CYP8B1: variants seen among roughly 807,000 people sequenced by gnomAD.
CYP8B1 encodes 7-alpha-hydroxycholest-4-en-3-one 12-alpha-hydroxylase.
For missense variants in CYP8B1, 594 were observed against 643.7 expected (o/e 0.92, Z 0.84); for synonymous variants, 221 against 251.2 (o/e 0.88, Z 1.14).
In CYP8B1 at chr3:42,874,286, A is replaced by G; in HGVS notation, c.*25T>C. The G allele has an allele frequency of 6.2e-7, 1 of 1,606,276 alleles. No individual in the cohort carries two copies. Among genetic ancestry groups the G allele is most frequent in the Non-Finnish European group, 8.5e-7 (1 of 1,175,690 alleles). On this transcript the variant is annotated 3_prime_UTR_variant, in exon 1 of 1. Coordinates refer to ENST00000316161, the MANE Select transcript of CYP8B1 (RefSeq NM_004391.3). ...GAGATGCAATAGAACTCCTCTGGCC[A>G]GGTTTGCAGCTGGCTTGGCCAAGCT...
Position 42,874,401 on chromosome 3 carries a change from T to C in CYP8B1, c.1416A>G (p.Leu472=). The C allele has an allele frequency of 1.2e-6, 2 of 1,614,054 alleles. No individual in the cohort carries two copies. The highest frequency in any genetic ancestry group is 2.7e-5 in the African/African-American group (2 of 75,002). Residue 472 remains leucine, a synonymous_variant, in exon 1 of 1, where the codon CTA becomes CTG. Transcript: ENST00000316161. The part of the protein sequence containing the change: ...DLELVDPDTP[L]PHVDPQRWGF... ...CCCAGCGCTGCGGGTCAACATGGGG[T>C]AGTGGTGTGTCAGGGTCCACCAACT...
rs766525411 is a variant in CYP8B1, at chr3:42,875,584, G to C, written c.233C>G (p.Thr78Ser). 1 of 1,509,680 alleles carries C rather than the reference G, an allele frequency of 6.6e-7. No individual in the cohort carries two copies. The highest frequency in any genetic ancestry group is 2.3e-5 in the East Asian group (1 of 43,384). The allele number at this position is 1,509,680 out of a possible 1,614,324, so 93.5% of individuals were successfully genotyped here. The change falls in exon 1 of 1, where the codon ACC becomes AGC. Residue 78 changes from threonine to serine, a missense_variant. Physicochemically the swap from Thr to Ser is moderately conservative, Grantham distance 58. Coordinates refer to ENST00000316161, the MANE Select transcript of CYP8B1 (RefSeq NM_004391.3). The part of the protein sequence containing the change: ...FTVQLGGQYF[T>S]FVMDPLSFGS... ...AAAGGAGAGGGGGTCCATGACGAAGGTGAAGTACTGGCCCCCTAGCTGCAC... is the reference window on the plus strand; with the variant it reads ...AAAGGAGAGGGGGTCCATGACGAAGCTGAAGTACTGGCCCCCTAGCTGCAC...
chr3:42,875,129 C>CCACTT lies in CYP8B1; in HGVS notation c.683_687dup (p.Gly230LysfsTer15). The CCACTT allele has an allele frequency of 4.3e-6, 7 of 1,612,932 alleles. No homozygotes were observed. The highest frequency in any genetic ancestry group is 5.9e-6 in the Non-Finnish European group (7 of 1,179,648). ...TTGTGAAAGAGACGCTGGAGTCGGC[C>CCACTT]CACTTCTAGCCACTCCCGGGGCCAC... On this transcript the variant is annotated frameshift_variant, in exon 1 of 1. Transcript: ENST00000316161. LOFTEE classifies it low-confidence loss of function (END_TRUNC).
Position 42,874,387 on chromosome 3 carries a change from G to A in CYP8B1, c.1430C>T (p.Pro477Leu), listed in dbSNP as rs776931947. Residue 477 changes from proline (P) to leucine (L), a missense_variant, in exon 1 of 1, where the codon CCG becomes CTG. By Grantham distance (98) the Pro-to-Leu change is moderately conservative. Transcript: ENST00000316161. ...CATGGTGCCAAAACCCCAGCGCTGCGGGTCAACATGGGGTAGTGGTGTGTC... is the reference window on the plus strand; with the variant it reads ...CATGGTGCCAAAACCCCAGCGCTGCAGGTCAACATGGGGTAGTGGTGTGTC... ...DPDTPLPHVD[P>L]QRWGFGTMQP... 86 of 1,614,094 alleles carry A rather than the reference G, an allele frequency of 5.3e-5. No homozygotes were observed. The highest frequency in any genetic ancestry group is 1.6e-4 in the Middle Eastern group (1 of 6,062).
chr3:42,875,406 C>T lies in CYP8B1; in HGVS notation c.411G>A (p.Lys137=), dbSNP rs776020739. The change falls in exon 1 of 1, where the codon AAG becomes AAA. Residue 137 remains lysine (K), a synonymous_variant. Coordinates refer to ENST00000316161, the MANE Select transcript of CYP8B1 (RefSeq NM_004391.3). ...TGTCCAGCATGGTCTCATTAAGATC[C>T]TTCAAGCCATCCCCCCTCAGATGCT... ...STKHLRGDGL[K]DLNETMLDSL... is the part of the protein sequence containing the mutation. 1 of 1,613,990 alleles carries T rather than the reference C, an allele frequency of 6.2e-7. No individual in the cohort carries two copies.
Position 42,874,562 on chromosome 3 carries a change from A to G in CYP8B1, c.1255T>C (p.Phe419Leu), listed in dbSNP as rs762454550. 1.9e-6 allele frequency: 3 copies of G among 1,614,136 alleles called. No homozygotes were observed. The highest frequency in any genetic ancestry group is 2.2e-5 in the East Asian group (1 of 44,872). Reference sequence around the variant, plus strand: ...TGGATCTTCTTGCCTGTCTTGAAGAAGTCCACTTTCCGGCTGCCATTAGGG... The same window carrying G: ...TGGATCTTCTTGCCTGTCTTGAAGAGGTCCACTTTCCGGCTGCCATTAGGG... ...LNPNGSRKVDFFKTGKKIHHY... is the reference protein window; with the variant it reads ...LNPNGSRKVDLFKTGKKIHHY... Residue 419 changes from phenylalanine to leucine, a missense_variant, in exon 1 of 1, where the codon TTC becomes CTC. Coordinates refer to ENST00000316161, the MANE Select transcript of CYP8B1 (RefSeq NM_004391.3).
Position 42,875,250 on chromosome 3 carries a change from C to G in CYP8B1, c.567G>C (p.Thr189=). Residue 189 remains threonine, a synonymous_variant, in exon 1 of 1, where the codon ACG becomes ACC. Transcript: ENST00000316161. ...TAGYLSLFGY[T]KDKEQDLLQA... is the part of the protein sequence containing the mutation. ...GTAGCAGGTCCTGCTCCTTGTCCTT[C>G]GTGTAGCCGAACAAGCTCAGGTAGC... 6.3e-7 allele frequency: 1 copy of G among 1,593,494 alleles called. No individual in the cohort carries two copies. Among genetic ancestry groups the G allele is most frequent in the Non-Finnish European group, 8.6e-7 (1 of 1,167,942 alleles).
chr3:42,875,156 G>A lies in CYP8B1; in HGVS notation c.661C>T (p.Leu221=). 2 of 1,610,952 alleles carry A rather than the reference G, an allele frequency of 1.2e-6. No individual in the cohort carries two copies. The highest frequency in any genetic ancestry group is 1.7e-6 in the Non-Finnish European group (2 of 1,178,374). Residue 221 remains leucine (L), a synonymous_variant, in exon 1 of 1, where the codon CTG becomes TTG. Coordinates refer to ENST00000316161, the MANE Select transcript of CYP8B1 (RefSeq NM_004391.3). Reference sequence around the variant, plus strand: ...ACTTCTAGCCACTCCCGGGGCCACAGCAGGGAGTAGACAAACCTTGGGAAA... The same window carrying A: ...ACTTCTAGCCACTCCCGGGGCCACAACAGGGAGTAGACAAACCTTGGGAAA... ...LLFPRFVYSL[L]WPREWLEVGR...
Position 42,874,388 on chromosome 3 carries a change from G to C in CYP8B1, c.1429C>G (p.Pro477Ala), listed in dbSNP as rs2088497499. The C allele has an allele frequency of 6.2e-7, 1 of 1,614,128 alleles. No individual in the cohort carries two copies. Among genetic ancestry groups the C allele is most frequent in the Non-Finnish European group, 8.5e-7 (1 of 1,180,010 alleles). ...DPDTPLPHVD[P>A]QRWGFGTMQP... ...ATGGTGCCAAAACCCCAGCGCTGCG[G>C]GTCAACATGGGGTAGTGGTGTGTCA... The change falls in exon 1 of 1, where the codon CCG (proline) becomes GCG (alanine). Residue 477 changes from proline to alanine, a missense_variant. Physicochemically the swap from Pro to Ala is conservative, Grantham distance 27 (BLOSUM62 -1). Transcript: ENST00000316161.
chr3:42,875,097 G>A lies in CYP8B1; in HGVS notation c.720C>T (p.Leu240=). Residue 240 remains leucine (L), a synonymous_variant, in exon 1 of 1, where the codon CTC becomes CTT. Transcript: ENST00000316161. ...GRLQRLFHKM[L]SVSHSQEKEG... Reference sequence around the variant, plus strand: ...CCTTCTCCTGGCTGTGGCTCACGGAGAGCATCTTGTGAAAGAGACGCTGGA... The same window carrying A: ...CCTTCTCCTGGCTGTGGCTCACGGAAAGCATCTTGTGAAAGAGACGCTGGA... The A allele has an allele frequency of 1.9e-6, 3 of 1,613,684 alleles. No individual in the cohort carries two copies. The highest frequency in any genetic ancestry group is 2.5e-6 in the Non-Finnish European group (3 of 1,180,008).
In CYP8B1 at chr3:42,875,293, T is replaced by C; in HGVS notation, c.524A>G (p.Tyr175Cys). Residue 175 changes from tyrosine (Y) to cysteine (C), a missense_variant, in exon 1 of 1, where the codon TAC (tyrosine) becomes TGC (cysteine). By Grantham distance (194) the Tyr-to-Cys change is radical. Transcript: ENST00000316161. Reference protein sequence around the residue: ...HEDSLFRFCYYILFTAGYLSL... With the variant: ...HEDSLFRFCYCILFTAGYLSL... ...CAGGTAGCCAGCTGTGAACAAGATG[T>C]AATAGCAGAAGCGAAAGAGGCTGTC... 6.2e-7 allele frequency: 1 copy of C among 1,610,880 alleles called. No individual in the cohort carries two copies. Among genetic ancestry groups the C allele is most frequent in the Non-Finnish European group, 8.5e-7 (1 of 1,178,198 alleles).
chr3:42,875,197 C>A lies in CYP8B1; in HGVS notation c.620G>T (p.Arg207Leu). 11 of 1,592,410 alleles carry A rather than the reference C, an allele frequency of 6.9e-6. No homozygotes were observed. The highest frequency in any genetic ancestry group is 8.6e-6 in the Non-Finnish European group (10 of 1,167,662). ...CCTTGGGAAAAGAAGGTCAAACTTG[C>A]GGAACTCCATGAATAACTCTCCTGC... ...LQAGELFMEF[R>L]KFDLLFPRFV... Residue 207 changes from arginine to leucine, a missense_variant, in exon 1 of 1, where the codon CGC becomes CTC. Arg to Leu is a moderately radical substitution (Grantham distance 102). Transcript: ENST00000316161.
chr3:42,874,840 G>A lies in CYP8B1; in HGVS notation c.977C>T (p.Ser326Phe). The change falls in exon 1 of 1, where the codon TCC becomes TTC. Residue 326 changes from serine (S) to phenylalanine (F), a missense_variant. By Grantham distance (155) the Ser-to-Phe change is radical. Transcript: ENST00000316161. ...LGEARLETKQ[S>F]FAFKLGALQH... is the part of the protein sequence containing the mutation. ...CAGGGCACCGAGTTTGAAGGCAAAG[G>A]ACTGCTTGGTCTCCAGCCTGGCCTC... 3.1e-6 allele frequency: 5 copies of A among 1,608,116 alleles called. No homozygotes were observed. The highest frequency in any genetic ancestry group is 3.4e-6 in the Non-Finnish European group (4 of 1,176,246).
rs2088499795 is a variant in CYP8B1 at position 42,874,578 on chromosome 3, G to A, written c.1239C>T (p.Gly413=). ...FKYDRFLNPN[G]SRKVDFFKTG... ...TCTTGAAGAAGTCCACTTTCCGGCT[G>A]CCATTAGGGTTGAGGAAGCGATCGT... The change falls in exon 1 of 1, where the codon GGC becomes GGT. Residue 413 remains glycine, a synonymous_variant. Transcript: ENST00000316161. The A allele has an allele frequency of 6.2e-7, 1 of 1,614,004 alleles. No homozygotes were observed. Among genetic ancestry groups the A allele is most frequent in the Non-Finnish European group, 8.5e-7 (1 of 1,180,032 alleles).
Position 42,874,220 on chromosome 3 carries a change from C to T in CYP8B1, c.*91G>A. ...GCCACAGGACCAGAGGGAGGGGTGG[C>T]CAGTGGGGTCTTGGGGCTGCAGAGG... On this transcript the variant is annotated 3_prime_UTR_variant, in exon 1 of 1. Coordinates refer to ENST00000316161, the MANE Select transcript of CYP8B1 (RefSeq NM_004391.3). 3.4e-6 allele frequency: 4 copies of T among 1,162,694 alleles called. No homozygotes were observed. In the South Asian group the frequency reaches 4.4e-5, roughly 13 times the overall value. 72.0% of individuals were successfully genotyped at this position (1,162,694 alleles called of 1,614,324 possible).
Position 42,874,925 on chromosome 3 carries a change from G to T in CYP8B1, c.892C>A (p.Leu298Ile). ...CGAATAGCTTCTGGGTGCTTCAGGA[G>T]GTACAAGAGGGCCCAGAAAGAGGTA... ...GPTSFWALLYLLKHPEAIRAV... is the reference protein window; with the variant it reads ...GPTSFWALLYILKHPEAIRAV... Residue 298 changes from leucine to isoleucine, a missense_variant, in exon 1 of 1, where the codon CTC (leucine) becomes ATC (isoleucine). Physicochemically the swap from Leu to Ile is conservative, Grantham distance 5 (BLOSUM62 2). Transcript: ENST00000316161. The T allele has an allele frequency of 6.2e-7, 1 of 1,606,718 alleles. No homozygotes were observed. Among genetic ancestry groups the T allele is most frequent in the Non-Finnish European group, 8.5e-7 (1 of 1,175,394 alleles).
chr3:42,875,075 TCTC>T lies in CYP8B1; in HGVS notation c.739_741del (p.Glu247del), dbSNP rs758253538. Reference sequence around the variant, plus strand: ...CCCAGCCAGTTGCTGATGCCCTCCTTCTCCTGGCTGTGGCTCACGGAGAGCATC... The same window carrying T: ...CCCAGCCAGTTGCTGATGCCCTCCTTCTGGCTGTGGCTCACGGAGAGCATC... On this transcript the variant is annotated inframe_deletion, in exon 1 of 1. Coordinates refer to ENST00000316161, the MANE Select transcript of CYP8B1 (RefSeq NM_004391.3). 3.1e-6 allele frequency: 5 copies of T among 1,613,702 alleles called. No individual in the cohort carries two copies. The East Asian group carries it at 6.7e-5, about 22-fold the overall frequency.
chr3:42,875,712 C>T lies in CYP8B1; in HGVS notation c.105G>A (p.Leu35=), dbSNP rs2088513695. ...CAAGCCAGGGCACGGTACCCTTGTC[C>T]AGAGGGGGCTCCCATGGCCTGCGTT... The part of the protein sequence containing the change: ...LRQRRPWEPP[L]DKGTVPWLGH... Residue 35 remains leucine, a synonymous_variant, in exon 1 of 1, where the codon CTG becomes CTA. Transcript: ENST00000316161. The T allele has an allele frequency of 2.0e-6, 3 of 1,473,938 alleles. No homozygotes were observed. Among genetic ancestry groups the T allele is most frequent in the Non-Finnish European group, 2.7e-6 (3 of 1,113,444 alleles). 91.3% of individuals were successfully genotyped at this position (1,473,938 alleles called of 1,614,324 possible).
Position 42,874,275 on chromosome 3 carries a change from C to T in CYP8B1, c.*36G>A, listed in dbSNP as rs561432475. The T allele has an allele frequency of 2.4e-5, 39 of 1,591,880 alleles. No individual in the cohort carries two copies. Among genetic ancestry groups the T allele is most frequent in the Non-Finnish European group, 3.2e-5 (37 of 1,167,412 alleles). The stretch of plus-strand genomic sequence containing the variant: ...AGAACAGGTGAGAGATGCAATAGAA[C>T]TCCTCTGGCCAGGTTTGCAGCTGGC... On this transcript the variant is annotated 3_prime_UTR_variant, in exon 1 of 1. Transcript: ENST00000316161.
Sources: allele counts gnomAD v4.1 joint callset, GRCh38; gene constraint gnomAD v4.1.1; transcripts MANE v1.5; gene names NCBI Gene and HGNC (gene_info 2026-07-23, HGNC 2026-07-21).